Variants in RALGAPA2 observed in about 807,000 individuals in gnomAD.
RALGAPA2 encodes the protein Ral GTPase activating protein catalytic subunit alpha 2.
In RALGAPA2, 139 loss-of-function variants were observed where a neutral mutation model predicts 230.4. The observed-to-expected ratio is 0.60, with a 90% CI of 0.53 to 0.69. The LOEUF (loss-of-function observed/expected upper bound fraction) is 0.69. Among genes scored for constraint, RALGAPA2 ranks in the 30% least tolerant of loss-of-function variants. The probability of loss-of-function intolerance (pLI) is 0.00; values close to 1 mark genes in which losing one functional copy is unlikely to be tolerated. For synonymous variants in RALGAPA2, 847 were observed against 837.8 expected, an observed-to-expected ratio of 1.01 and a Z score of -0.19; for missense variants, 2,163 against 2,276.0, an observed-to-expected ratio of 0.95 and a Z score of 1.01.
chr20:20,558,304 C>G (rs797012746), intron 23 of RALGAPA2, among the ~76,000 whole-genome samples: 4 of 152,332 alleles, frequency 2.6e-5, no homozygotes, highest in African/African-American at 9.6e-5. Flanking sequence ...CCGCGCCCAG[C>G]CTGCACAGCA....
rs60562348 is a variant in RALGAPA2, at chr20:20,619,152, G to A, written c.1539+125C>T. 2.7e-3 allele frequency: 2,768 copies of A among 1,023,466 alleles called. 100 individuals are homozygous for A. The East Asian group carries it at 0.068, about 25-fold the overall frequency. The allele number at this position is 1,023,466 out of a possible 1,614,324, so 63.4% of individuals were successfully genotyped here. On this transcript the variant is annotated intron_variant, in intron 12 of 39. Transcript: ENST00000202677. The stretch of plus-strand genomic sequence containing the variant: ...ATAGCTAATTAAATTGCTGTTTATC[G>A]TTTACTGACAGATGGCTACAAATAC...
intron 33 of RALGAPA2, among the ~76,000 whole-genome samples, chr20:20,509,936 GT>G (rs2062652019): frequency 1.3e-5 from 2 of 152,048 alleles, no homozygotes; most frequent in African/African-American, 2.4e-5. Flanking sequence ...TGCTAGTTGG[GT>G]TTATATCCAA....
At position 20,605,390 on chromosome 20, in the gene RALGAPA2, C is replaced by T. The variant is rs201937941; in HGVS notation, c.1823G>A (p.Arg608Gln). The T allele has an allele frequency of 6.2e-6, 10 of 1,613,592 alleles. No individual in the cohort carries two copies. The highest frequency in any genetic ancestry group is 1.6e-4 in the Middle Eastern group (1 of 6,062). ...LFRTLMVAWI[R>Q]ANLCVYISRE... ...AGAAATGTACACACAGAGGTTTGCTCGGATCCAAGCTACCATGAGCGTCTA... is the reference window on the plus strand; with the variant it reads ...AGAAATGTACACACAGAGGTTTGCTTGGATCCAAGCTACCATGAGCGTCTA... The change falls in exon 15 of 40, where the codon CGA (arginine) becomes CAA (glutamine). Residue 608 changes from arginine (R) to glutamine (Q), a missense_variant. Transcript: ENST00000202677.
intron 3 of RALGAPA2, chr20:20,659,779 C>T: frequency 1.1e-6 from 1 of 912,990 alleles, no homozygotes; most frequent in Non-Finnish European, 1.7e-6. Flanking sequence ...AAACAGCACA[C>T]AGAAAGATGG....
chr20:20,633,644 C>T (rs1279736938), intron 9 of RALGAPA2, among the ~76,000 whole-genome samples: 1 of 152,054 alleles, frequency 6.6e-6, no homozygotes, highest in Non-Finnish European at 1.5e-5. Flanking sequence ...CCCGCCACCA[C>T]GCCCGGCTAA....
intron 23 of RALGAPA2, among the ~76,000 whole-genome samples, chr20:20,563,729 A>T (rs2064326014): frequency 6.6e-6 from 1 of 152,128 alleles, no homozygotes; most frequent in South Asian, 2.1e-4. Flanking sequence ...ATTTGCCTTG[A>T]CAGATAATGG....
At chr20:20,436,791 T>C (rs10460649) in intron 37 of RALGAPA2, among the ~76,000 whole-genome samples, 7,425 of 152,328 alleles carry the variant, frequency 0.049, 376 homozygotes, top group East Asian at 0.15. Flanking sequence ...AGCCCCAGGC[T>C]CCTGGAAGGG....
chr20:20,536,685 C>T lies in RALGAPA2; in HGVS notation c.3385G>A (p.Glu1129Lys). ...PLLQSVPEVN[E>K]AITGTEDVKH... ...ACATCTTCAGTTCCTGTAATGGCCT[C>T]ATTTACTTCTGGCACTGACTGCAGT... Residue 1129 changes from glutamate (E) to lysine (K), a missense_variant, in exon 25 of 40, where the codon GAG (glutamate) becomes AAG (lysine). Physicochemically the swap from Glu to Lys is moderately conservative, Grantham distance 56 (BLOSUM62 1). Coordinates refer to ENST00000202677, the MANE Select transcript of RALGAPA2 (RefSeq NM_020343.4). 1 of 1,613,028 alleles carries T rather than the reference C, an allele frequency of 6.2e-7. No individual in the cohort carries two copies. Among genetic ancestry groups the T allele is most frequent in the South Asian group, 1.1e-5 (1 of 91,058 alleles).
Position 20,514,904 on chromosome 20 carries a change from C to T in RALGAPA2, c.4085-1620G>A, listed in dbSNP as rs79227561. 1.1e-3 allele frequency among the ~76,000 whole-genome samples: 163 copies of T among 152,342 alleles called. 3 individuals are homozygous for T. The East Asian group carries it at 0.026, about 24-fold the overall frequency. The stretch of plus-strand genomic sequence containing the variant: ...GAGTTTAGGTGCCCCTCTGCCTGTG[C>T]AGAGAACCAGGAGCCAAGGAGATTT... On this transcript the variant is annotated intron_variant, in intron 31 of 39. Coordinates refer to ENST00000202677, the MANE Select transcript of RALGAPA2 (RefSeq NM_020343.4).
At chr20:20,520,343 A>T (rs967056523) in intron 31 of RALGAPA2, among the ~76,000 whole-genome samples, 2 of 152,120 alleles carry the variant, frequency 1.3e-5, no homozygotes, top group Non-Finnish European at 2.9e-5. Context: ...GGCTCTTATC[A>T]TTCTGGGGAG....
rs1003027253 is a variant in RALGAPA2 at position 20,581,829 on chromosome 20, T to TA, written c.2707+1220dup. Among the ~76,000 whole-genome samples, 172 of 148,636 alleles carry TA rather than the reference T, an allele frequency of 1.2e-3. 2 individuals are homozygous for TA. Among genetic ancestry groups the TA allele is most frequent in the South Asian group, 8.6e-3 (41 of 4,746 alleles). On this transcript the variant is annotated intron_variant, in intron 20 of 39. Coordinates refer to ENST00000202677, the MANE Select transcript of RALGAPA2 (RefSeq NM_020343.4). ...ACAGTGAAAACCAGTTTGCTTGGTT[T>TA]AAAAAAAAAAATCCATTTAAGGTCA...
chr20:20,523,488 T>C (rs2063105522), intron 30 of RALGAPA2, among the ~76,000 whole-genome samples: 1 of 152,316 alleles, frequency 6.6e-6, no homozygotes, highest in Middle Eastern at 3.4e-3. Context: ...TGTATACAAA[T>C]AGATAAAAGA....
intron 3 of RALGAPA2, chr20:20,659,722 T>C (rs531179144): frequency 1.5e-6 from 1 of 667,658 alleles, no homozygotes; most frequent in Non-Finnish European, 2.6e-6. Context: ...GAACAAGTTA[T>C]ACACCTTGAA....
At chr20:20,492,618 C>A (rs1602532259) in intron 36 of RALGAPA2, among the ~76,000 whole-genome samples, 1 of 152,190 alleles carries the variant, frequency 6.6e-6, no homozygotes, top group East Asian at 1.9e-4. Context: ...AACGAGGCGT[C>A]TGTGTCCCAG....
At chr20:20,471,493 G>T (rs1473391863) in intron 37 of RALGAPA2, 1 of 144,060 alleles carries the variant, frequency 6.9e-6, no homozygotes, top group Non-Finnish European at 1.5e-5. Context: ...TAGTTGACAT[G>T]CAAACTGACA....
At chr20:20,459,060 G>A (rs2123260283) in intron 37 of RALGAPA2, among the ~76,000 whole-genome samples, 1 of 151,858 alleles carries the variant, frequency 6.6e-6, no homozygotes, top group Admixed American at 6.6e-5. Flanking sequence ...GCTGGTCTAT[G>A]TCCTCTTTGC....
At chr20:20,394,889 CAAAAAA>C (rs10673778) in intron 39 of RALGAPA2, among the ~76,000 whole-genome samples, 12 of 44,642 alleles carry the variant, frequency 2.7e-4, no homozygotes, top group Non-Finnish European at 4.3e-4. Flanking sequence ...AATAAATAAG[CAAAAAA>C]AAAAAAAAAA....
chr20:20,463,462 A>G (rs73287267), intron 37 of RALGAPA2, among the ~76,000 whole-genome samples: 4,749 of 152,268 alleles, frequency 0.031, 224 homozygotes, highest in African/African-American at 0.11. Flanking sequence ...ATCAAAGCCT[A>G]TGAAAATGAC....
chr20:20,422,807 CAT>C (rs1433748567), intron 37 of RALGAPA2, among the ~76,000 whole-genome samples: 1 of 152,192 alleles, frequency 6.6e-6, no homozygotes, highest in Non-Finnish European at 1.5e-5. Flanking sequence ...ATGAAAAAGA[CAT>C]AGTCTTGTCC....
Sources: gnomAD v4.1 joint callset for allele counts (sites outside exome capture counted in the v4.1 genomes callset) on GRCh38, gnomAD v4.1.1 for gene constraint, MANE v1.5 for transcripts, NCBI Gene and HGNC (gene_info 2026-07-23, HGNC 2026-07-21) for gene names.